Variants in KIAA1217 observed in about 807,000 individuals in gnomAD.
KIAA1217 encodes the protein sickle tail protein homolog.
Under a neutral mutation model 163.9 loss-of-function variants are expected in KIAA1217, and 88 were observed. That is an observed-to-expected ratio of 0.54 (90% CI 0.45 to 0.64). The LOEUF (loss-of-function observed/expected upper bound fraction) is 0.64. KIAA1217 is among the 30% of genes least tolerant of loss of function. KIAA1217 has a pLI of 0.00. For synonymous variants in KIAA1217, 903 were observed against 923.1 expected, an observed-to-expected ratio of 0.98 and a Z score of 0.39; for missense variants, 2,372 against 2,475.0, an observed-to-expected ratio of 0.96 and a Z score of 0.88.
chr10:24,545,594 C>T (rs912905347), intron 20 of KIAA1217: 2 of 1,378,298 alleles, frequency 1.5e-6, no homozygotes, highest in African/African-American at 2.9e-5. Flanking sequence ...TGATGGGACT[C>T]CTCTCACAAA....
chr10:24,449,561 T>A (rs1245688148), intron 5 of KIAA1217: 1 of 985,308 alleles, frequency 1.0e-6, no homozygotes, highest in Non-Finnish European at 1.2e-6. Context: ...TGAATGTCCG[T>A]GAAATAGTTT....
At chr10:24,400,871 G>A (rs2056442908) in intron 3 of KIAA1217, among the ~76,000 whole-genome samples, 1 of 151,636 alleles carries the variant, frequency 6.6e-6, no homozygotes, top group South Asian at 2.1e-4. Context: ...AGACAATAGT[G>A]GATGAGAGAA....
chr10:24,143,704 C>G (rs1374255463), intron 2 of KIAA1217, among the ~76,000 whole-genome samples: 1 of 151,838 alleles, frequency 6.6e-6, no homozygotes, highest in African/African-American at 2.4e-5. Flanking sequence ...CACGGAGAAC[C>G]AGGGTGTGAT....
intron 2 of KIAA1217, among the ~76,000 whole-genome samples, chr10:24,321,338 A>G (rs1289035714): frequency 6.6e-6 from 1 of 152,094 alleles, no homozygotes; most frequent in Admixed American, 6.6e-5. Context: ...CAAGAGTTCG[A>G]GACCAGCCTG....
intron 1 of KIAA1217, among the ~76,000 whole-genome samples, chr10:23,908,209 G>A (rs1842256553): frequency 6.6e-6 from 1 of 152,140 alleles, no homozygotes; most frequent in African/African-American, 2.4e-5. Context: ...TGAAGGGAAG[G>A]TGGTCAGGAC....
At position 24,441,084 on chromosome 10, in the gene KIAA1217, A is replaced by C. The variant is rs139158016; in HGVS notation, c.846+2605A>C. On this transcript the variant is annotated intron_variant, in intron 5 of 20. Transcript: ENST00000376454. ...GGAGAACAGAAACAGAGAACAGAGC[A>C]AGCATCAATTGTTGTAGACTAAACC... 4.2e-3 allele frequency among the ~76,000 whole-genome samples: 638 copies of C among 152,350 alleles called. 2 individuals carry two copies. The highest frequency in any genetic ancestry group is 0.015 in the African/African-American group (610 of 41,590).
chr10:24,538,344 G>A (rs796937500), intron 17 of KIAA1217, among the ~76,000 whole-genome samples: 25 of 152,176 alleles, frequency 1.6e-4, no homozygotes, highest in African/African-American at 5.5e-4. Flanking sequence ...AGGGAATCTC[G>A]CTATATCCAA....
At chr10:24,410,997 T>C (rs1221237582) in intron 3 of KIAA1217, among the ~76,000 whole-genome samples, 1 of 152,226 alleles carries the variant, frequency 6.6e-6, no homozygotes, top group Non-Finnish European at 1.5e-5. Flanking sequence ...ATGTTCTTTT[T>C]TTCCTCTCAA....
In KIAA1217 at chr10:24,501,385, C is replaced by A. The variant is rs1112283; in HGVS notation, c.1841C>A (p.Pro614His). The A allele has an allele frequency of 1.6e-3, 2,654 of 1,608,624 alleles. 49 individuals carry two copies. In the African/African-American group the frequency reaches 0.032, roughly 19 times the overall value. Residue 614 changes from proline (P) to histidine (H), a missense_variant, in exon 9 of 21, where the codon CCC becomes CAC. Pro to His is a moderately conservative substitution (Grantham distance 77). Around this residue, in one of 3 missense-constraint regions of KIAA1217, gnomAD observed 1,431 missense variants for 1,470.3 expected, o/e 0.97. Coordinates refer to ENST00000376454, the MANE Select transcript of KIAA1217 (RefSeq NM_019590.5). ...NRNHTDSAGT[P>H]HVSGGKMLSA... ...TGATGCACTTTTCTCATAGGAACGC[C>A]CCATGTGTCTGGTGGGAAGATGCTC...
At chr10:23,947,979 G>A (rs1485868258) in intron 1 of KIAA1217, among the ~76,000 whole-genome samples, 1 of 152,160 alleles carries the variant, frequency 6.6e-6, no homozygotes, top group Admixed American at 6.5e-5. Flanking sequence ...ATCACAACAT[G>A]GGCTCAGAAA....
intron 1 of KIAA1217, among the ~76,000 whole-genome samples, chr10:23,959,863 T>C (rs142238992): frequency 1.3e-5 from 2 of 151,830 alleles, no homozygotes; most frequent in South Asian, 2.1e-4. Context: ...AGAATATCTC[T>C]GGAATGAAGG....
intron 5 of KIAA1217, among the ~76,000 whole-genome samples, chr10:24,470,792 A>G (rs927704461): frequency 1.3e-5 from 2 of 152,058 alleles, no homozygotes; most frequent in African/African-American, 4.8e-5. Context: ...CCTTATTTGC[A>G]CTTCTCATTG....
intron 5 of KIAA1217, among the ~76,000 whole-genome samples, chr10:24,469,988 T>C (rs1319238771): frequency 6.6e-6 from 1 of 152,258 alleles, no homozygotes; most frequent in Non-Finnish European, 1.5e-5. Flanking sequence ...TTGTATGTGA[T>C]TTGCCTTGGA....
At chr10:24,209,113 T>A, upstream of KIAA1217, 12 of 1,252,708 alleles carry the variant, frequency 9.6e-6, no homozygotes, top group Middle Eastern at 2.5e-4. Flanking sequence ...CCGGGCCCCC[T>A]CCCAGGCGCT....
chr10:23,901,631 A>G (rs915022375), intron 1 of KIAA1217, among the ~76,000 whole-genome samples: 2 of 152,088 alleles, frequency 1.3e-5, no homozygotes, highest in Admixed American at 6.6e-5. Flanking sequence ...ATATTTGGCT[A>G]GGCATGGCGG....
At chr10:23,881,647 C>T (rs1048191577) in intron 1 of KIAA1217, among the ~76,000 whole-genome samples, 1 of 151,918 alleles carries the variant, frequency 6.6e-6, no homozygotes, top group Non-Finnish European at 1.5e-5. Context: ...AGATTTTGTC[C>T]ATTACATTCG....
rs528116739 is a variant in KIAA1217 at position 23,934,090 on chromosome 10, A to C, written c.-320-73135A>C. ...TCTACTATAAAAACAGATGCTGCATATGTTTACTACAGCACTGTTTACAAT... is the reference window on the plus strand; with the variant it reads ...TCTACTATAAAAACAGATGCTGCATCTGTTTACTACAGCACTGTTTACAAT... On this transcript the variant is annotated intron_variant, in intron 1 of 18. Coordinates refer to the KIAA1217 transcript ENST00000376462. Among the ~76,000 whole-genome samples the C allele has an allele frequency of 2.0e-5, 3 of 152,310 alleles. No individual in the cohort carries two copies. In the South Asian group the frequency reaches 6.2e-4, roughly 32 times the overall value.
intron 1 of KIAA1217, among the ~76,000 whole-genome samples, chr10:23,787,349 G>T (rs570456244): frequency 1.3e-5 from 2 of 152,282 alleles, no homozygotes; most frequent in South Asian, 4.2e-4. Flanking sequence ...ATGAGGCTAG[G>T]TATTGGGTAT....
chr10:23,784,193 CTTT>C (rs1349301115), intron 1 of KIAA1217, among the ~76,000 whole-genome samples: 1 of 152,008 alleles, frequency 6.6e-6, no homozygotes, highest in African/African-American at 2.4e-5. Flanking sequence ...TAGTGAACTT[CTTT>C]GTTTCTTGTG....
Sources: gnomAD v4.1 joint callset for allele counts (sites outside exome capture counted in the v4.1 genomes callset) on GRCh38, gnomAD v4.1.1 for gene constraint, gnomAD v4.1.1 regional missense constraint, MANE v1.5 for transcripts, NCBI Gene and HGNC (gene_info 2026-07-23, HGNC 2026-07-21) for gene names.